OLFM3: variants seen among roughly 807,000 people sequenced by gnomAD.
OLFM3 encodes the protein noelin-3.
In OLFM3, 20 loss-of-function variants were observed where a neutral mutation model predicts 48.6. The ratio of observed to expected loss-of-function variants is 0.41; its 90% CI spans 0.29 to 0.60. OLFM3 has a LOEUF of 0.60. Ranked by LOEUF, OLFM3 falls within the 20% of genes least tolerant of loss-of-function variation. OLFM3 has a pLI of 0.28. For synonymous variants in OLFM3, 222 were observed against 198.1 expected, an observed-to-expected ratio of 1.12 and a Z score of -1.01; for missense variants, 437 against 544.3, an observed-to-expected ratio of 0.80 and a Z score of 1.96.
At chr1:101,881,671 A>G (rs1480247942) in intron 1 of OLFM3, among the ~76,000 whole-genome samples, 2 of 151,762 alleles carry the variant, frequency 1.3e-5, no homozygotes, top group African/African-American at 4.8e-5. Flanking sequence ...CCTACATGCT[A>G]CAAGCCACCA....
chr1:101,865,819 A>G (rs1437449494), intron 1 of OLFM3, among the ~76,000 whole-genome samples: 1 of 152,226 alleles, frequency 6.6e-6, no homozygotes, highest in East Asian at 1.9e-4. Context: ...ATAAAATTAT[A>G]TAACATTTAA....
intron 1 of OLFM3, among the ~76,000 whole-genome samples, chr1:101,943,653 T>A (rs1659861832): frequency 2.0e-5 from 3 of 152,214 alleles, no homozygotes; most frequent in Admixed American, 2.0e-4. Context: ...TATCTATTAT[T>A]TTAACTTAAT....
intron 1 of OLFM3, among the ~76,000 whole-genome samples, chr1:101,943,878 C>A (rs953594946): frequency 8.2e-6 from 1 of 121,722 alleles, no homozygotes; most frequent in Non-Finnish European, 1.8e-5. Flanking sequence ...ATTCATAAAA[C>A]TCTAGAAATC....
chr1:101,944,279 A>G (rs1365607413), intron 1 of OLFM3, among the ~76,000 whole-genome samples: 2 of 152,142 alleles, frequency 1.3e-5, no homozygotes, highest in Admixed American at 6.5e-5. Flanking sequence ...AGACCAGAAC[A>G]TACACTAAAA....
intron 1 of OLFM3, among the ~76,000 whole-genome samples, chr1:101,888,106 A>G (rs901025465): frequency 6.6e-6 from 1 of 152,130 alleles, no homozygotes; most frequent in Non-Finnish European, 1.5e-5. Flanking sequence ...TGCCATCCCT[A>G]TCAAGCTTCC....
intron 1 of OLFM3, among the ~76,000 whole-genome samples, chr1:101,927,603 C>T (rs1352833383): frequency 6.6e-6 from 1 of 151,628 alleles, no homozygotes; most frequent in Non-Finnish European, 1.5e-5. Context: ...ACTTTAAAGC[C>T]AAGTTAATGA....
intron 1 of OLFM3, among the ~76,000 whole-genome samples, chr1:101,953,299 C>T (rs1191374229): frequency 6.6e-6 from 1 of 152,058 alleles, no homozygotes; most frequent in Non-Finnish European, 1.5e-5. Flanking sequence ...GGCATTCGTC[C>T]CTCCACCTGT....
intron 1 of OLFM3, among the ~76,000 whole-genome samples, chr1:101,847,854 G>A (rs917727941): frequency 7.2e-5 from 11 of 152,036 alleles, no homozygotes; most frequent in African/African-American, 2.7e-4. Flanking sequence ...AGTATAAAGG[G>A]CACAGGACTT....
intron 3 of OLFM3, among the ~76,000 whole-genome samples, chr1:101,827,007 C>T (rs980407595): frequency 2.6e-5 from 4 of 152,174 alleles, no homozygotes; most frequent in Admixed American, 6.5e-5. Context: ...TGATTATTAG[C>T]GATCAATTGT....
intron 1 of OLFM3, among the ~76,000 whole-genome samples, chr1:101,965,199 A>T (rs1260947553): frequency 1.3e-5 from 2 of 152,216 alleles, no homozygotes. Flanking sequence ...TTTGGCAAAA[A>T]TTAACTTCAA....
intron 1 of OLFM3, among the ~76,000 whole-genome samples, chr1:101,991,947 C>A (rs900424209): frequency 1.3e-5 from 2 of 151,828 alleles, no homozygotes; most frequent in African/African-American, 2.4e-5. Flanking sequence ...ACTAACTAGA[C>A]CCTACAAAAG....
chr1:101,988,069 A>G (rs538422764), intron 1 of OLFM3, among the ~76,000 whole-genome samples: 2 of 152,108 alleles, frequency 1.3e-5, no homozygotes, highest in Non-Finnish European at 2.9e-5. Flanking sequence ...TTTTCTTTAT[A>G]TGGCACAGTA....
chr1:101,894,241 C>G (rs891264577), intron 1 of OLFM3, among the ~76,000 whole-genome samples: 1 of 152,110 alleles, frequency 6.6e-6, no homozygotes, highest in Non-Finnish European at 1.5e-5. Flanking sequence ...GGCCAACAAA[C>G]CTCTCTCCAC....
chr1:101,976,314 T>C (rs1201481294), intron 1 of OLFM3, among the ~76,000 whole-genome samples: 2 of 152,324 alleles, frequency 1.3e-5, no homozygotes, highest in African/African-American at 4.8e-5. Context: ...CTGAACTGCA[T>C]TGTATCCAGG....
Position 101,899,442 on chromosome 1 carries a change from A to C in OLFM3, c.70-62417T>G, listed in dbSNP as rs116135435. On this transcript the variant is annotated intron_variant, in intron 1 of 5. Coordinates refer to ENST00000370103, the MANE Select transcript of OLFM3 (RefSeq NM_058170.4). ...TGTCTTTGAAACTAATATTTAAGGCATAATTTTATCACTTTTGCATATTCT... is the reference window on the plus strand; with the variant it reads ...TGTCTTTGAAACTAATATTTAAGGCCTAATTTTATCACTTTTGCATATTCT... 8.9e-3 allele frequency among the ~76,000 whole-genome samples: 1,359 copies of C among 152,322 alleles called. 31 individuals carry two copies. The highest frequency in any genetic ancestry group is 0.031 in the African/African-American group (1,298 of 41,558).
intron 1 of OLFM3, among the ~76,000 whole-genome samples, chr1:101,958,614 G>A (rs1292834811): frequency 6.6e-6 from 1 of 151,936 alleles, no homozygotes. Flanking sequence ...AGAGGTGTTT[G>A]TGATCTCCAA....
chr1:101,987,881 C>T (rs150405446), intron 1 of OLFM3, among the ~76,000 whole-genome samples: 57 of 152,174 alleles, frequency 3.7e-4, no homozygotes, highest in African/African-American at 1.3e-3. Flanking sequence ...TTTTCCAGAG[C>T]ATTTTAACCT....
rs550703522 is a variant in OLFM3, at chr1:101,861,003, G to T, written c.70-23978C>A. On this transcript the variant is annotated intron_variant, in intron 1 of 5. Coordinates refer to ENST00000370103, the MANE Select transcript of OLFM3 (RefSeq NM_058170.4). ...GGACGGATCCTACTAACTACATGCA[G>T]AAGAGTTAATGCATTGTGTTCTCAG... Among the ~76,000 whole-genome samples, 8 of 152,152 alleles carry T rather than the reference G, an allele frequency of 5.3e-5. No homozygotes were observed. In the East Asian group the frequency reaches 1.4e-3, roughly 26 times the overall value.
chr1:101,872,288 C>T (rs1657112495), intron 1 of OLFM3, among the ~76,000 whole-genome samples: 1 of 151,940 alleles, frequency 6.6e-6, no homozygotes, highest in Non-Finnish European at 1.5e-5. Flanking sequence ...TTGATTTAGT[C>T]AGAAAACCCA....
Sources: allele counts gnomAD v4.1 joint callset (sites outside exome capture counted in the v4.1 genomes callset), GRCh38; gene constraint gnomAD v4.1.1; transcripts MANE v1.5; gene names NCBI Gene and HGNC (gene_info 2026-07-23, HGNC 2026-07-21).